Variants in ADAM18 observed in about 807,000 individuals in gnomAD.
The protein encoded by ADAM18 is ADAM metallopeptidase domain 18.
In ADAM18, 117 loss-of-function variants were observed where a neutral mutation model predicts 94.4. That is an observed-to-expected ratio of 1.24 (90% CI 1.07 to 1.45). ADAM18 has a LOEUF of 1.45. ADAM18 is among the 40% of genes most tolerant of loss of function. The pLI, the probability that ADAM18 is intolerant of heterozygous loss-of-function variation, is 0.00. For missense variants in ADAM18, 936 were observed against 880.0 expected (o/e 1.06, Z -0.81); for synonymous variants, 327 against 291.6 (o/e 1.12, Z -1.24).
chr8:39,645,205 C>T, intron 10 of ADAM18, 133 bp from the exon 11 acceptor site: 2 of 743,400 alleles, frequency 2.7e-6, no homozygotes, highest in South Asian at 4.8e-5. Context: ...AATGGCATAC[C>T]AAAATAATTG....
chr8:39,725,255 T>C (rs1822870658), intron 19 of ADAM18, among the ~76,000 whole-genome samples: 1 of 152,076 alleles, frequency 6.6e-6, no homozygotes, highest in African/African-American at 2.4e-5. Context: ...AGTATACCCC[T>C]TTAAACCATC....
chr8:39,686,700 C>A (rs751979013), intron 16 of ADAM18, among the ~76,000 whole-genome samples: 1 of 152,114 alleles, frequency 6.6e-6, no homozygotes, highest in African/African-American at 2.4e-5. Flanking sequence ...CAATTTCTGA[C>A]ATACGAAAAA....
chr8:39,698,072 A>T (rs912161026), intron 17 of ADAM18, among the ~76,000 whole-genome samples: 1 of 151,770 alleles, frequency 6.6e-6, no homozygotes, highest in Non-Finnish European at 1.5e-5. Flanking sequence ...CACCAAATTT[A>T]TGGTTTTGTA....
intron 13 of ADAM18, 81 bp from the exon 14 acceptor site, chr8:39,667,917 T>C (rs1174558109): frequency 1.4e-6 from 2 of 1,400,848 alleles, no homozygotes; most frequent in African/African-American, 1.4e-5. Flanking sequence ...ATTAGAAACA[T>C]TTTATGTGAT....
At chr8:39,619,252 G>A (rs1225806107) in intron 6 of ADAM18, among the ~76,000 whole-genome samples, 1 of 152,092 alleles carries the variant, frequency 6.6e-6, no homozygotes, top group Non-Finnish European at 1.5e-5. Flanking sequence ...CAGTATAGGA[G>A]GAAACATGCA....
chr8:39,716,007 A>G lies in ADAM18; in HGVS notation c.2018-7741A>G, dbSNP rs1237910126. On this transcript the variant is annotated intron_variant, in intron 18 of 19. Transcript: ENST00000265707. The stretch of plus-strand genomic sequence containing the variant: ...TCACGAGGACGGGAAACTACAGACC[A>G]ATGTCTCTCATCAATTTCTCATAAT... Among the ~76,000 whole-genome samples, 4 of 152,080 alleles carry G rather than the reference A, an allele frequency of 2.6e-5. No individual in the cohort carries two copies. In the East Asian group the frequency reaches 5.8e-4, roughly 22 times the overall value.
intron 17 of ADAM18, among the ~76,000 whole-genome samples, chr8:39,700,490 G>T (rs1488077023): frequency 2.6e-5 from 4 of 152,076 alleles, no homozygotes; most frequent in Non-Finnish European, 5.9e-5. Flanking sequence ...TTAGGTAAAT[G>T]TAATAGTAAA....
At chr8:39,613,814 A>G (rs958819168) in intron 6 of ADAM18, among the ~76,000 whole-genome samples, 5 of 152,240 alleles carry the variant, frequency 3.3e-5, no homozygotes, top group Non-Finnish European at 5.9e-5. Context: ...AAAATTCACT[A>G]GAAGAGTTTC....
intron 17 of ADAM18, among the ~76,000 whole-genome samples, chr8:39,701,660 C>T (rs1481073518): frequency 4.3e-4 from 65 of 152,048 alleles, no homozygotes; most frequent in Admixed American, 4.3e-3. Context: ...CTCAGGTGGG[C>T]CCCACTGTGT....
At chr8:39,709,095 G>A (rs1034505078) in intron 18 of ADAM18, among the ~76,000 whole-genome samples, 3 of 152,150 alleles carry the variant, frequency 2.0e-5, no homozygotes, top group Admixed American at 1.3e-4. Context: ...CATGGCTCCC[G>A]AGCTCTTGTC....
At chr8:39,720,279 A>G (rs987261079) in intron 18 of ADAM18, among the ~76,000 whole-genome samples, 6 of 151,548 alleles carry the variant, frequency 4.0e-5, no homozygotes, top group Non-Finnish European at 5.9e-5. Flanking sequence ...GAAAGAATGC[A>G]GACCAGATTA....
At position 39,609,626 on chromosome 8, in the gene ADAM18, G is replaced by C. The variant is rs764039676; in HGVS notation, c.344+65G>C. ...AAGATAGTCTTTAAAACAAAACTTAGTGACTAGCAGACACAAATCATGGAA... is the reference window on the plus strand; with the variant it reads ...AAGATAGTCTTTAAAACAAAACTTACTGACTAGCAGACACAAATCATGGAA... On this transcript the variant is annotated intron_variant, in intron 5 of 19. Coordinates refer to ENST00000265707, the MANE Select transcript of ADAM18 (RefSeq NM_014237.3). 185 of 1,090,942 alleles carry C rather than the reference G, an allele frequency of 1.7e-4. 1 individual carries two copies. Among genetic ancestry groups the C allele is most frequent in the Non-Finnish European group, 2.4e-4 (178 of 736,144 alleles). The allele number at this position is 1,090,942 out of a possible 1,614,324, so 67.6% of individuals were successfully genotyped here. A position where few individuals can be genotyped will look rare whatever the true frequency, so the allele number is the denominator to read the frequency against.
chr8:39,674,268 G>T (rs1821236479), intron 14 of ADAM18, among the ~76,000 whole-genome samples: 1 of 152,046 alleles, frequency 6.6e-6, no homozygotes, highest in Admixed American at 6.5e-5. Context: ...AAGTCTCTTT[G>T]TAGGTCTCTA....
intron 2 of ADAM18, among the ~76,000 whole-genome samples, chr8:39,597,808 A>T (rs990171605): frequency 1.3e-5 from 2 of 152,162 alleles, no homozygotes. Context: ...TTGTTTGTCG[A>T]TATTTGCAAA....
chr8:39,598,890 C>A (rs184510363), intron 2 of ADAM18, among the ~76,000 whole-genome samples: 3 of 152,080 alleles, frequency 2.0e-5, no homozygotes, highest in Admixed American at 1.3e-4. Context: ...CAGCTCACTG[C>A]AACCATCACC....
intron 2 of ADAM18, among the ~76,000 whole-genome samples, chr8:39,599,114 T>C (rs1373965298): frequency 2.6e-5 from 4 of 152,142 alleles, no homozygotes; most frequent in Non-Finnish European, 2.9e-5. Flanking sequence ...CCAGGCTGGA[T>C]TTTTTCAAAT....
chr8:39,618,051 A>G (rs1819496385), intron 6 of ADAM18, among the ~76,000 whole-genome samples: 1 of 152,220 alleles, frequency 6.6e-6, no homozygotes, highest in African/African-American at 2.4e-5. Flanking sequence ...GCCTCCAAAG[A>G]CTCACTTTAT....
Position 39,648,456 on chromosome 8 carries a change from C to T in ADAM18, c.1159C>T (p.His387Tyr). ...GAAGCTTTCAAATTTGCAACCATTA[C>T]ATCAAAATCAACCAGTGTGTGGTAA... ...LQKLSNLQPL[H>Y]QNQPVCGNGI... is the part of the protein sequence containing the mutation. Residue 387 changes from histidine (H) to tyrosine (Y), a missense_variant, in exon 12 of 20, where the codon CAT becomes TAT. Coordinates refer to ENST00000265707, the MANE Select transcript of ADAM18 (RefSeq NM_014237.3). The T allele has an allele frequency of 1.9e-6, 3 of 1,612,966 alleles. No individual in the cohort carries two copies. The highest frequency in any genetic ancestry group is 2.5e-6 in the Non-Finnish European group (3 of 1,179,480).
At chr8:39,692,722 G>T (rs551033345) in intron 17 of ADAM18, 42 bp downstream of exon 17, 16 of 1,486,802 alleles carry the variant, frequency 1.1e-5, no homozygotes, top group South Asian at 9.5e-5. Context: ...ATTCTTGTGG[G>T]TAATTCAAAT....
Sources: allele counts gnomAD v4.1 joint callset (sites outside exome capture counted in the v4.1 genomes callset), GRCh38; gene constraint gnomAD v4.1.1; transcripts MANE v1.5; gene names NCBI Gene and HGNC (gene_info 2026-07-23, HGNC 2026-07-21).